Variants in RORA observed in about 807,000 individuals in gnomAD.
The protein encoded by RORA is RAR related orphan receptor A, also known as nuclear receptor ROR-alpha.
RORA carries 7 observed loss-of-function variants against 69.5 expected under a neutral mutation model. The ratio of observed to expected loss-of-function variants is 0.10; its 90% CI spans 0.06 to 0.19. The LOEUF is 0.19. RORA is among the 10% of genes least tolerant of loss of function. The probability of loss-of-function intolerance (pLI) is 1.00; values close to 1 mark genes in which losing one functional copy is unlikely to be tolerated. For synonymous variants in RORA, 261 were observed against 240.8 expected (o/e 1.08, Z -0.78); for missense variants, 457 against 663.0 (o/e 0.69, Z 3.41).
chr15:60,580,572 C>A (rs1022872366), intron 2 of RORA, among the ~76,000 whole-genome samples: 3 of 152,216 alleles, frequency 2.0e-5, no homozygotes, highest in Admixed American at 6.5e-5. Flanking sequence ...TGTGATGAAT[C>A]TTTCCGAACC....
chr15:60,770,256 A>G (rs558797895), intron 1 of RORA, among the ~76,000 whole-genome samples: 1 of 152,342 alleles, frequency 6.6e-6, no homozygotes, highest in East Asian at 1.9e-4. Context: ...TGAAAATTAT[A>G]GAAGTCCAAT....
chr15:60,923,501 G>A (rs1892112290), intron 1 of RORA, among the ~76,000 whole-genome samples: 1 of 152,090 alleles, frequency 6.6e-6, no homozygotes, highest in Non-Finnish European at 1.5e-5. Flanking sequence ...AGGTCATCTA[G>A]GCCCCTGACA....
At chr15:60,831,195 T>C (rs1404568556) in intron 1 of RORA, among the ~76,000 whole-genome samples, 2 of 152,240 alleles carry the variant, frequency 1.3e-5, no homozygotes, top group South Asian at 4.1e-4. Flanking sequence ...GTCTCATCCT[T>C]TTCCAATCCA....
At chr15:60,901,463 C>T (rs1208413015) in intron 1 of RORA, among the ~76,000 whole-genome samples, 6 of 152,212 alleles carry the variant, frequency 3.9e-5, no homozygotes, top group African/African-American at 7.2e-5. Flanking sequence ...TGAGCCACCA[C>T]GCCCGGCGAT....
At chr15:60,907,507 G>C (rs2140474912) in intron 1 of RORA, among the ~76,000 whole-genome samples, 1 of 152,284 alleles carries the variant, frequency 6.6e-6, no homozygotes, top group South Asian at 2.1e-4. Flanking sequence ...GATATCTCAA[G>C]TCACTTCCAG....
At chr15:60,740,692 G>A (rs1341515518) in intron 1 of RORA, among the ~76,000 whole-genome samples, 4 of 152,206 alleles carry the variant, frequency 2.6e-5, no homozygotes, top group Admixed American at 2.6e-4. Context: ...ACTCTGAGCT[G>A]TAAATCTCTT....
Position 60,551,448 on chromosome 15 carries a change from TA to T in RORA, c.197-19598del, listed in dbSNP as rs2067224646. On this transcript the variant is annotated intron_variant, in intron 2 of 10. Transcript: ENST00000335670. ...CTGCCATTTCTAAAGTTTAAGAAAT[TA>T]AACATAGTTTGGGAGTACAAAGAGC... is the stretch of plus-strand genomic sequence containing the variant. Among the ~76,000 whole-genome samples the T allele has an allele frequency of 2.0e-5, 3 of 152,178 alleles. No homozygotes were observed. In the South Asian group the frequency reaches 6.2e-4, roughly 31 times the overall value.
intron 1 of RORA, among the ~76,000 whole-genome samples, chr15:60,863,427 G>T (rs2073453321): frequency 1.3e-5 from 2 of 152,254 alleles, no homozygotes; most frequent in South Asian, 4.2e-4. Flanking sequence ...TCACTACTTA[G>T]ACTTGGGTAC....
chr15:60,927,196 G>C (rs139632935), intron 1 of RORA, among the ~76,000 whole-genome samples: 9 of 152,200 alleles, frequency 5.9e-5, no homozygotes, highest in Non-Finnish European at 1.2e-4. Flanking sequence ...AACACATGTG[G>C]ACCAGTTCCC....
At chr15:60,782,148 C>T (rs2072271727) in intron 1 of RORA, among the ~76,000 whole-genome samples, 1 of 152,092 alleles carries the variant, frequency 6.6e-6, no homozygotes, top group Non-Finnish European at 1.5e-5. Context: ...TTGCTTGAAC[C>T]TGGGAGGCGG....
chr15:61,170,707 A>T (rs1037590834), intron 1 of RORA, among the ~76,000 whole-genome samples: 1 of 152,260 alleles, frequency 6.6e-6, no homozygotes, highest in Non-Finnish European at 1.5e-5. Flanking sequence ...CCAAATATAC[A>T]GCCATGATTA....
At chr15:60,960,569 G>A (rs1893389119) in intron 1 of RORA, among the ~76,000 whole-genome samples, 1 of 152,146 alleles carries the variant, frequency 6.6e-6, no homozygotes, top group African/African-American at 2.4e-5. Flanking sequence ...ACACGATCAG[G>A]AGAGATGAAT....
At chr15:60,602,216 G>A (rs527437544) in intron 2 of RORA, among the ~76,000 whole-genome samples, 2 of 152,278 alleles carry the variant, frequency 1.3e-5, no homozygotes, top group African/African-American at 2.4e-5. Context: ...GGAAATATCA[G>A]AGTTCAAGAC....
In RORA at chr15:60,925,698, G is replaced by A. The variant is rs192013239; in HGVS notation, c.167-247012C>T. ...GAGCACTTTGCCTTTCTGGGCTTCCGTTTCTTCACTGGAAGCATGAGGGTG... is the reference window on the plus strand; with the variant it reads ...GAGCACTTTGCCTTTCTGGGCTTCCATTTCTTCACTGGAAGCATGAGGGTG... On this transcript the variant is annotated intron_variant, in intron 1 of 10. Transcript: ENST00000335670. Among the ~76,000 whole-genome samples, 43 of 152,306 alleles carry A rather than the reference G, an allele frequency of 2.8e-4. No homozygotes were observed. In the East Asian group the frequency reaches 7.3e-3, roughly 26 times the overall value.
At chr15:61,068,071 A>G (rs1381545189) in intron 1 of RORA, among the ~76,000 whole-genome samples, 1 of 152,206 alleles carries the variant, frequency 6.6e-6, no homozygotes, top group East Asian at 1.9e-4. Flanking sequence ...ATTTGGAGAA[A>G]TGTCTGAAAT....
intron 1 of RORA, among the ~76,000 whole-genome samples, chr15:61,008,131 T>C (rs1193170807): frequency 2.6e-5 from 4 of 151,372 alleles, no homozygotes; most frequent in Non-Finnish European, 5.9e-5. Context: ...AAACTTATGA[T>C]AAAAAAAATT....
At chr15:60,960,215 A>G (rs1028465959) in intron 1 of RORA, among the ~76,000 whole-genome samples, 4 of 152,196 alleles carry the variant, frequency 2.6e-5, no homozygotes, top group Non-Finnish European at 5.9e-5. Flanking sequence ...ATGATGCCAT[A>G]GAGACATGTT....
intron 1 of RORA, among the ~76,000 whole-genome samples, chr15:61,029,233 A>G (rs890167980): frequency 1.3e-5 from 2 of 152,120 alleles, no homozygotes; most frequent in Non-Finnish European, 2.9e-5. Context: ...CTGCAAGCCT[A>G]GGGAAATGAC....
intron 1 of RORA, among the ~76,000 whole-genome samples, chr15:61,086,281 G>A (rs1326229618): frequency 6.6e-6 from 1 of 152,218 alleles, no homozygotes; most frequent in African/African-American, 2.4e-5. Flanking sequence ...ACTGGGCTGG[G>A]GATGCTGGGA....
Sources: allele counts gnomAD v4.1 joint callset (sites outside exome capture counted in the v4.1 genomes callset), GRCh38; gene constraint gnomAD v4.1.1; transcripts MANE v1.5; gene names NCBI Gene and HGNC (gene_info 2026-07-23, HGNC 2026-07-21).